The following CLOCK variants were observed in gnomAD, a reference collection of about 807,000 sequenced individuals.
The protein encoded by CLOCK is clock circadian regulator.
A neutral mutation model predicts 118.4 loss-of-function variants in CLOCK; 43 were observed. That is an observed-to-expected ratio of 0.36 (90% CI 0.28 to 0.47). The LOEUF is 0.47. CLOCK is among the 20% of genes least tolerant of loss of function. The pLI is 1.00. For missense variants in CLOCK, 846 were observed against 999.9 expected, an observed-to-expected ratio of 0.85 and a Z score of 2.08; for synonymous variants, 326 against 339.2, an observed-to-expected ratio of 0.96 and a Z score of 0.43.
chr4:55,470,861 C>G (rs1177818172), intron 7 of CLOCK, 55 bp from the exon 8 acceptor site: 38 of 1,274,074 alleles, frequency 3.0e-5, no homozygotes, highest in Non-Finnish European at 4.1e-5. Context: ...TTTTGCAGGA[C>G]AGAAATAAAA....
chr4:55,505,274 T>C (rs1457536773), intron 2 of CLOCK, among the ~76,000 whole-genome samples: 2 of 151,480 alleles, frequency 1.3e-5, no homozygotes, highest in Non-Finnish European at 2.9e-5. Flanking sequence ...ACAAAGTATA[T>C]GTAAAAGCAG....
Position 55,435,558 on chromosome 4 carries a change from G to C in CLOCK, c.2398C>G (p.Leu800Val). The change falls in exon 23 of 23, where the codon CTC (leucine) becomes GTC (valine). Residue 800 changes from leucine to valine, a missense_variant. Leu to Val is a conservative substitution (Grantham distance 32). Coordinates refer to ENST00000513440, the MANE Select transcript of CLOCK (RefSeq NM_004898.4). ...AGAGGAAATGCAGCAGAGAGAATGAGTTGAGTTGAGGGATTCCCATGGAGC... is the reference window on the plus strand; with the variant it reads ...AGAGGAAATGCAGCAGAGAGAATGACTTGAGTTGAGGGATTCCCATGGAGC... ...RLLHGNPSTQLILSAAFPLQQ... is the reference protein window; with the variant it reads ...RLLHGNPSTQVILSAAFPLQQ... 6.2e-7 allele frequency: 1 copy of C among 1,613,996 alleles called. No individual in the cohort carries two copies. The highest frequency in any genetic ancestry group is 8.5e-7 in the Non-Finnish European group (1 of 1,179,884).
chr4:55,542,373 A>AT (rs1731332282), intron 1 of CLOCK, among the ~76,000 whole-genome samples: 4 of 47,672 alleles, frequency 8.4e-5, no homozygotes, highest in Non-Finnish European at 1.2e-4. Flanking sequence ...AATAATAATA[A>AT]TAATAATATT....
chr4:55,448,568 C>T (rs1724081144), intron 18 of CLOCK, among the ~76,000 whole-genome samples: 1 of 150,036 alleles, frequency 6.7e-6, no homozygotes, highest in Admixed American at 6.7e-5. Context: ...GCATCTGTAA[C>T]TATAATTATA....
rs1293038946 is a variant in CLOCK at position 55,442,439 on chromosome 4, G to C, written c.2098C>G (p.Gln700Glu). 1 of 1,607,940 alleles carries C rather than the reference G, an allele frequency of 6.2e-7. No homozygotes were observed. The highest frequency in any genetic ancestry group is 8.5e-7 in the Non-Finnish European group (1 of 1,177,420). The change falls in exon 21 of 23, where the codon CAG becomes GAG. Residue 700 changes from glutamine (Q) to glutamate (E), a missense_variant. This residue lies in a region of CLOCK where 520 missense variants were observed against 558.0 expected (regional missense o/e 0.93). Transcript: ENST00000513440. ...ATGAAATATGACAACTACCTTATCT[G>C]CCTGTCCTGAGTGAATGTAGTTACT... ...AAVTTFTQDRQIRFSQGQQLV... is the reference protein window; with the variant it reads ...AAVTTFTQDREIRFSQGQQLV...
Position 55,429,850 on chromosome 4 carries a change from A to T in CLOCK, c.*5565T>A, listed in dbSNP as rs1462555326. 1.3e-5 allele frequency: 2 copies of T among 152,316 alleles called. No homozygotes were observed. Among genetic ancestry groups the T allele is most frequent in the Admixed American group, 1.3e-4 (2 of 15,304 alleles). 9.4% of individuals were successfully genotyped at this position (152,316 alleles called of 1,614,324 possible). ...AAATTCTTTCTTAGATGACTTGAGG[A>T]GGGAAGTGCAGGGGCATCTGGAGTT... is the stretch of plus-strand genomic sequence containing the variant. On this transcript the variant is annotated 3_prime_UTR_variant, in exon 23 of 23. Coordinates refer to ENST00000513440, the MANE Select transcript of CLOCK (RefSeq NM_004898.4).
intron 21 of CLOCK, among the ~76,000 whole-genome samples, chr4:55,440,971 C>T (rs1560414052): frequency 1.3e-5 from 2 of 151,600 alleles, no homozygotes; most frequent in Admixed American, 6.6e-5. Context: ...CTTACAAAAA[C>T]AAAACAAAAC....
At chr4:55,474,206 T>C (rs1726336812) in intron 7 of CLOCK, among the ~76,000 whole-genome samples, 1 of 152,200 alleles carries the variant, frequency 6.6e-6, no homozygotes, top group Admixed American at 6.6e-5. Context: ...ATTCCTGATA[T>C]GGAGAAAGTT....
chr4:55,438,191 T>C (rs982630888), intron 22 of CLOCK, 91 bp downstream of exon 22: 1 of 1,453,298 alleles, frequency 6.9e-7, no homozygotes, highest in African/African-American at 1.4e-5. Flanking sequence ...TGTGAATTTT[T>C]CACATCACTC....
At chr4:55,469,447 A>G (rs2109849725) in intron 8 of CLOCK, among the ~76,000 whole-genome samples, 1 of 152,298 alleles carries the variant, frequency 6.6e-6, no homozygotes, top group Admixed American at 6.5e-5. Context: ...CTGGTCCTTT[A>G]GGAGGTATTT....
chr4:55,447,800 A>T (rs1248571239), intron 18 of CLOCK, among the ~76,000 whole-genome samples: 1 of 152,262 alleles, frequency 6.6e-6, no homozygotes, highest in Non-Finnish European at 1.5e-5. Context: ...ACCTATTATT[A>T]ATGATCATTC....
At chr4:55,452,727 A>G in intron 15 of CLOCK, 1 of 194,550 alleles carries the variant, frequency 5.1e-6, no homozygotes, top group Non-Finnish European at 1.1e-5. Flanking sequence ...AGTATTTTCA[A>G]AGTGGGGATA....
intron 13 of CLOCK, 74 bp downstream of exon 13, chr4:55,455,823 C>T (rs1040037155): frequency 8.9e-6 from 9 of 1,008,014 alleles, no homozygotes; most frequent in African/African-American, 1.6e-5. Context: ...CTGTGTCTTA[C>T]TACCTATCAT....
At chr4:55,535,466 G>C (rs970388629) in intron 1 of CLOCK, among the ~76,000 whole-genome samples, 23 of 152,180 alleles carry the variant, frequency 1.5e-4, no homozygotes, top group Admixed American at 1.4e-3. Context: ...TAATAATTTG[G>C]AAGGTCAAAG....
rs747796211 is a variant in CLOCK at position 55,443,894 on chromosome 4, C to T, written c.1695G>A (p.Met565Ile). 7.4e-6 allele frequency: 12 copies of T among 1,611,432 alleles called. No individual in the cohort carries two copies. The South Asian group carries it at 1.2e-4, about 16-fold the overall frequency. Residue 565 changes from methionine (M) to isoleucine (I), a missense_variant and splice_region_variant, in exon 20 of 23, where the codon ATG becomes ATA. By Grantham distance (10) the Met-to-Ile change is conservative (BLOSUM62 1). Around this residue, in one of 4 missense-constraint regions of CLOCK, gnomAD observed 520 missense variants for 558.0 expected, o/e 0.93. Transcript: ENST00000513440. ...ACCCAGGATTTGATTGTTGCAAAAA[C>T]ATCTTTAAAAATAAAGATTATGTTA... ...LQMVHGQGLQMFLQQSNPGLN... is the reference protein window; with the variant it reads ...LQMVHGQGLQIFLQQSNPGLN...
intron 2 of CLOCK, among the ~76,000 whole-genome samples, chr4:55,507,752 T>C (rs1312857183): frequency 6.6e-6 from 1 of 152,196 alleles, no homozygotes. Context: ...TGATCATGCA[T>C]AGACATAACA....
At chr4:55,456,945 G>T (rs1724962247) in intron 11 of CLOCK, among the ~76,000 whole-genome samples, 1 of 152,166 alleles carries the variant, frequency 6.6e-6, no homozygotes, top group Non-Finnish European at 1.5e-5. Flanking sequence ...CTCCCAAAGT[G>T]CTGGGATTCT....
chr4:55,524,919 G>A (rs1275967809), intron 1 of CLOCK, among the ~76,000 whole-genome samples: 1 of 142,576 alleles, frequency 7.0e-6, no homozygotes, highest in African/African-American at 2.6e-5. Context: ...AATACTTTGG[G>A]AAATGCAAAA....
intron 18 of CLOCK, among the ~76,000 whole-genome samples, 181 bp downstream of exon 18, chr4:55,448,598 G>GCGCGCGCA (rs1724118085): frequency 1.4e-5 from 1 of 73,982 alleles, no homozygotes; most frequent in African/African-American, 6.8e-5. Context: ...GCGCGCACGC[G>GCGCGCGCA]CGCGTGTGTG....
Sources: gnomAD v4.1 joint callset for allele counts (sites outside exome capture counted in the v4.1 genomes callset) on GRCh38, gnomAD v4.1.1 for gene constraint, gnomAD v4.1.1 regional missense constraint, MANE v1.5 for transcripts, NCBI Gene and HGNC (gene_info 2026-07-23, HGNC 2026-07-21) for gene names.